The following NME8 variants were observed in gnomAD, a reference collection of about 807,000 sequenced individuals.
The protein encoded by NME8 is NME/NM23 family member 8.
Under a neutral mutation model 82.3 loss-of-function variants are expected in NME8, and 72 were observed. The ratio of observed to expected loss-of-function variants is 0.87; its 90% CI spans 0.72 to 1.06. The LOEUF (loss-of-function observed/expected upper bound fraction) is 1.06, where lower values mean the gene tolerates loss of function less well. Ranked by LOEUF, NME8 falls within the 50% of genes least tolerant of loss-of-function variation. The pLI, the probability that NME8 is intolerant of heterozygous loss-of-function variation, is 0.00. For missense variants in NME8, 712 were observed against 685.4 expected (o/e 1.04, Z -0.43); for synonymous variants, 267 against 228.5 (o/e 1.17, Z -1.52).
intron 15 of NME8, among the ~76,000 whole-genome samples, chr7:37,891,128 G>A (rs925875746): frequency 3.3e-5 from 5 of 151,660 alleles, no homozygotes; most frequent in African/African-American, 1.2e-4. Flanking sequence ...CTTTTTTGGG[G>A]TTTTTGTTTG....
chr7:37,897,027 G>T lies in NME8; in HGVS notation c.1702G>T (p.Ala568Ser), dbSNP rs1177405552. ...ISKLKNIVHG[A>S]SNAYEAKEVV... The stretch of plus-strand genomic sequence containing the variant: ...TAAATTGAAAAACATTGTCCATGGA[G>T]CATCTAACGCCTATGAAGCAAAAGA... Residue 568 changes from alanine (A) to serine (S), a missense_variant, in exon 17 of 18, where the codon GCA becomes TCA. Transcript: ENST00000199447. 2 of 1,613,918 alleles carry T rather than the reference G, an allele frequency of 1.2e-6. No individual in the cohort carries two copies. Among genetic ancestry groups the T allele is most frequent in the Non-Finnish European group, 1.7e-6 (2 of 1,179,900 alleles).
rs774550075 is a variant in NME8, at chr7:37,857,345, T to C, written c.270T>C (p.Val90=). Residue 90 remains valine, a splice_region_variant and synonymous_variant, in exon 6 of 18, where the codon GTT becomes GTC. Coordinates refer to ENST00000199447, the MANE Select transcript of NME8 (RefSeq NM_016616.5). ...GTGAACCTGTTTTTCTCTTTAGTGT[T>C]GTAAGTATATTTACTTTCTCAATTG... ...DKCEPVFLFS[V]NGKIIEKIQG... is the part of the protein sequence containing the mutation. 1.9e-6 allele frequency: 3 copies of C among 1,593,854 alleles called. No individual in the cohort carries two copies. In the East Asian group the frequency reaches 6.7e-5, roughly 36 times the overall value.
At chr7:37,853,645 A>G (rs1784468460) in intron 5 of NME8, among the ~76,000 whole-genome samples, 1 of 152,134 alleles carries the variant, frequency 6.6e-6, no homozygotes, top group African/African-American at 2.4e-5. Context: ...CATAAAGGTG[A>G]AAGAAAATTA....
chr7:37,895,792 TTAGATA>T, intron 16 of NME8, among the ~76,000 whole-genome samples: 2 of 152,182 alleles, frequency 1.3e-5, no homozygotes, highest in African/African-American at 4.8e-5. Flanking sequence ...TCATATATGT[TTAGATA>T]CACAAATAAC....
intron 12 of NME8, among the ~76,000 whole-genome samples, chr7:37,879,939 C>T (rs901367806): frequency 6.6e-6 from 1 of 152,146 alleles, no homozygotes; most frequent in Non-Finnish European, 1.5e-5. Flanking sequence ...TTACAATTCC[C>T]TAATGACATA....
rs866091840 is a variant in NME8, at chr7:37,867,787, C to T, written c.707C>T (p.Pro236Leu). Residue 236 changes from proline (P) to leucine (L), a missense_variant, in exon 11 of 18, where the codon CCC (proline) becomes CTC (leucine). Coordinates refer to ENST00000199447, the MANE Select transcript of NME8 (RefSeq NM_016616.5). ...VVSQGSKHNP[P>L]SEETEPQTDT... The stretch of plus-strand genomic sequence containing the variant: ...TCTCAAGGAAGTAAACACAATCCTC[C>T]CTCTGAAGAAACCGAACCACAGACT... The T allele has an allele frequency of 6.2e-7, 1 of 1,613,776 alleles. No homozygotes were observed. Among genetic ancestry groups the T allele is most frequent in the Non-Finnish European group, 8.5e-7 (1 of 1,179,730 alleles).
rs1461185561 is a variant in NME8, at chr7:37,897,097, T to C, written c.*5T>C. On this transcript the variant is annotated 3_prime_UTR_variant, in exon 17 of 18. Coordinates refer to ENST00000199447, the MANE Select transcript of NME8 (RefSeq NM_016616.5). ...GAGGATCCTGAGGAAAACTAAAGTATATACTGTGAAGTACGTACCTGTTTA... is the reference window on the plus strand; with the variant it reads ...GAGGATCCTGAGGAAAACTAAAGTACATACTGTGAAGTACGTACCTGTTTA... 6.4e-7 allele frequency: 1 copy of C among 1,571,748 alleles called. No homozygotes were observed. The highest frequency in any genetic ancestry group is 1.7e-5 in the Admixed American group (1 of 59,882).
At chr7:37,884,535 A>C in intron 13 of NME8, 88 bp downstream of exon 13, 1 of 1,144,184 alleles carries the variant, frequency 8.7e-7, no homozygotes, top group Middle Eastern at 2.8e-4. Context: ...TAAGCTGCCA[A>C]ACTCCTCAAG....
chr7:37,889,966 T>G (rs1975640), intron 15 of NME8, among the ~76,000 whole-genome samples: 71,040 of 151,660 alleles, frequency 0.47, 17,080 homozygotes, highest in East Asian at 0.74. Context: ...ATTTATAATG[T>G]TGGTGGCCAT....
chr7:37,898,520 G>T (rs748064308), intron 17 of NME8, among the ~76,000 whole-genome samples: 1 of 152,060 alleles, frequency 6.6e-6, no homozygotes, highest in Non-Finnish European at 1.5e-5. Flanking sequence ...AAGATACAAC[G>T]GAATATTATT....
chr7:37,861,498 C>T (rs1482326712), intron 6 of NME8, among the ~76,000 whole-genome samples: 1 of 152,114 alleles, frequency 6.6e-6, no homozygotes, highest in Non-Finnish European at 1.5e-5. Flanking sequence ...CTTGGTAGCA[C>T]CTACTAAGGT....
At chr7:37,876,081 C>A (rs942077387) in intron 11 of NME8, among the ~76,000 whole-genome samples, 1 of 141,096 alleles carries the variant, frequency 7.1e-6, no homozygotes, top group African/African-American at 2.6e-5. Flanking sequence ...TGGGGGTGTG[C>A]GCCTGTAGTC....
At chr7:37,880,228 C>G in intron 12 of NME8, among the ~76,000 whole-genome samples, 1 of 152,044 alleles carries the variant, frequency 6.6e-6, no homozygotes, top group South Asian at 2.1e-4. Context: ...TTAGTTATTT[C>G]TTTTTGGATT....
chr7:37,889,248 T>C (rs1394857188), intron 15 of NME8, among the ~76,000 whole-genome samples: 1 of 151,856 alleles, frequency 6.6e-6, no homozygotes. Flanking sequence ...TTTCCTCCAT[T>C]TCAGTGATTA....
intron 5 of NME8, among the ~76,000 whole-genome samples, chr7:37,856,998 G>A (rs1361678727): frequency 1.3e-5 from 2 of 152,158 alleles, no homozygotes; most frequent in African/African-American, 4.8e-5. Context: ...AACAGGGACA[G>A]TAAAAGAAGG....
chr7:37,884,365 T>G lies in NME8; in HGVS notation c.1057T>G (p.Leu353Val), dbSNP rs768515788. 6.2e-7 allele frequency: 1 copy of G among 1,603,156 alleles called. No individual in the cohort carries two copies. The highest frequency in any genetic ancestry group is 8.5e-7 in the Non-Finnish European group (1 of 1,170,090). Residue 353 changes from leucine (L) to valine (V), a missense_variant, in exon 13 of 18, where the codon TTA becomes GTA. By Grantham distance (32) the Leu-to-Val change is conservative. Coordinates refer to ENST00000199447, the MANE Select transcript of NME8 (RefSeq NM_016616.5). ...FKILEQRQVV[L>V]SEKEAQALCK... ...AATACTGGAGCAAAGACAAGTAGTATTATCGGAAAAAGAAGCACAAGCACT... is the reference window on the plus strand; with the variant it reads ...AATACTGGAGCAAAGACAAGTAGTAGTATCGGAAAAAGAAGCACAAGCACT...
At chr7:37,851,190 T>A (rs937740621) in intron 5 of NME8, among the ~76,000 whole-genome samples, 3 of 152,178 alleles carry the variant, frequency 2.0e-5, no homozygotes, top group Admixed American at 2.0e-4. Context: ...CCAAACACAT[T>A]TTACTGAATT....
chr7:37,896,128 T>G (rs10435156), intron 16 of NME8, among the ~76,000 whole-genome samples: 35,526 of 152,154 alleles, frequency 0.23, 4,131 homozygotes, highest in Non-Finnish European at 0.24. Context: ...AATTTGTCAA[T>G]GAGTTTAGGA....
chr7:37,852,045 C>G (rs1327745130), intron 5 of NME8, among the ~76,000 whole-genome samples: 1 of 151,828 alleles, frequency 6.6e-6, no homozygotes, highest in African/African-American at 2.4e-5. Flanking sequence ...TATTATTTTT[C>G]TATTCAAGAG....
Sources: allele counts gnomAD v4.1 joint callset (sites outside exome capture counted in the v4.1 genomes callset), GRCh38; gene constraint gnomAD v4.1.1; transcripts MANE v1.5; gene names NCBI Gene and HGNC (gene_info 2026-07-23, HGNC 2026-07-21).